Variants in ARHGAP10 observed in about 807,000 individuals in gnomAD.
ARHGAP10 encodes Rho GTPase activating protein 10.
Under a neutral mutation model 108.6 loss-of-function variants are expected in ARHGAP10, and 87 were observed. That is an observed-to-expected ratio of 0.80 (90% CI 0.67 to 0.96). The LOEUF is 0.96. Among genes scored for constraint, ARHGAP10 ranks in the 40% least tolerant of loss-of-function variants. The pLI is 0.00. For missense variants in ARHGAP10, 939 were observed against 954.5 expected, an observed-to-expected ratio of 0.98 and a Z score of 0.21; for synonymous variants, 347 against 341.1, an observed-to-expected ratio of 1.02 and a Z score of -0.19.
intron 18 of ARHGAP10, among the ~76,000 whole-genome samples, chr4:147,995,402 C>T (rs1382199814): frequency 6.6e-6 from 1 of 152,156 alleles, no homozygotes; most frequent in Non-Finnish European, 1.5e-5. Context: ...TATTAAAATA[C>T]TGTAATAAAA....
At chr4:147,825,919 C>T (rs982591008) in intron 3 of ARHGAP10, among the ~76,000 whole-genome samples, 1 of 152,136 alleles carries the variant, frequency 6.6e-6, no homozygotes, top group African/African-American at 2.4e-5. Context: ...AAGTCTCTGC[C>T]TTCATGGAGG....
intron 13 of ARHGAP10, 103 bp from the exon 14 acceptor site, chr4:147,939,721 GA>G (rs1224639562): frequency 1.1e-5 from 11 of 971,654 alleles, no homozygotes; most frequent in Non-Finnish European, 1.8e-5. Context: ...TAGTTAACAG[GA>G]ATGCTGCTAA....
chr4:147,886,485 C>T (rs998585455), intron 10 of ARHGAP10, among the ~76,000 whole-genome samples: 2 of 152,194 alleles, frequency 1.3e-5, no homozygotes, highest in South Asian at 2.1e-4. Context: ...TTAGATTCCC[C>T]AGTTAAGCCC....
chr4:147,929,327 A>G lies in ARHGAP10; in HGVS notation c.1229-10498A>G, dbSNP rs1261852234. Among the ~76,000 whole-genome samples, 4 of 152,148 alleles carry G rather than the reference A, an allele frequency of 2.6e-5. No individual in the cohort carries two copies. In the East Asian group the frequency reaches 7.7e-4, roughly 29 times the overall value. ...CCGTATCTTAAATTTATGATGGTGA[A>G]TATGTCCCTTTGATGGAATAGAGAG... On this transcript the variant is annotated intron_variant, in intron 13 of 22. Transcript: ENST00000336498.
chr4:148,068,654 A>G (rs1730010497), intron 22 of ARHGAP10, among the ~76,000 whole-genome samples: 1 of 152,242 alleles, frequency 6.6e-6, no homozygotes, highest in African/African-American at 2.4e-5. Context: ...TGGTAAGATA[A>G]TGAGAAACAC....
chr4:147,754,940 C>A (rs1043816936), intron 1 of ARHGAP10, among the ~76,000 whole-genome samples: 1 of 151,786 alleles, frequency 6.6e-6, no homozygotes, highest in Non-Finnish European at 1.5e-5. Flanking sequence ...CTAAAAAATG[C>A]AAAAATTAGC....
intron 1 of ARHGAP10, among the ~76,000 whole-genome samples, chr4:147,771,769 G>A (rs193240601): frequency 6.2e-4 from 94 of 151,994 alleles, no homozygotes; most frequent in Non-Finnish European, 1.1e-3. Flanking sequence ...CATCTTCCTC[G>A]CCTCCACTCT....
chr4:147,954,263 A>G (rs1738710585), intron 15 of ARHGAP10, among the ~76,000 whole-genome samples: 1 of 151,794 alleles, frequency 6.6e-6, no homozygotes, highest in Admixed American at 6.6e-5. Flanking sequence ...TGATTTTTCT[A>G]CTTGTTCTGT....
chr4:147,945,920 C>T (rs1042281012), intron 14 of ARHGAP10, among the ~76,000 whole-genome samples: 3 of 152,098 alleles, frequency 2.0e-5, no homozygotes, highest in African/African-American at 7.2e-5. Flanking sequence ...TCATATTGAA[C>T]GCAAGGCCAC....
At chr4:147,989,326 T>C (rs1340817072) in intron 18 of ARHGAP10, among the ~76,000 whole-genome samples, 2 of 152,234 alleles carry the variant, frequency 1.3e-5, no homozygotes, top group African/African-American at 2.4e-5. Context: ...TAATGAAGTT[T>C]TGGGCACCAT....
chr4:148,003,714 C>G (rs1234815911), intron 18 of ARHGAP10, among the ~76,000 whole-genome samples: 1 of 152,172 alleles, frequency 6.6e-6, no homozygotes, highest in Admixed American at 6.5e-5. Flanking sequence ...TCTGTTTTAT[C>G]AGAGACTAGG....
At chr4:147,743,452 C>T (rs1728778241) in intron 1 of ARHGAP10, among the ~76,000 whole-genome samples, 1 of 152,178 alleles carries the variant, frequency 6.6e-6, no homozygotes, top group Non-Finnish European at 1.5e-5. Context: ...TGTTTAACTT[C>T]TCTGTGCCTT....
At chr4:148,029,477 A>G (rs1483649694) in intron 19 of ARHGAP10, among the ~76,000 whole-genome samples, 1 of 152,206 alleles carries the variant, frequency 6.6e-6, no homozygotes, top group African/African-American at 2.4e-5. Flanking sequence ...GACACAAACT[A>G]TGTGGAGGTG....
At chr4:147,890,609 C>A (rs1055254532) in intron 10 of ARHGAP10, among the ~76,000 whole-genome samples, 1 of 152,168 alleles carries the variant, frequency 6.6e-6, no homozygotes, top group Non-Finnish European at 1.5e-5. Flanking sequence ...GGCGGATCAC[C>A]TGAGGTCAGG....
intron 15 of ARHGAP10, among the ~76,000 whole-genome samples, chr4:147,948,509 C>T (rs1279366374): frequency 6.6e-6 from 1 of 152,120 alleles, no homozygotes; most frequent in Admixed American, 6.5e-5. Flanking sequence ...TCCCTTCCTC[C>T]ACCACTGGCA....
At chr4:147,831,429 A>T (rs1732950036) in intron 3 of ARHGAP10, among the ~76,000 whole-genome samples, 1 of 152,226 alleles carries the variant, frequency 6.6e-6, no homozygotes, top group Admixed American at 6.5e-5. Flanking sequence ...CATTAAAAAG[A>T]TTATGCCTTT....
At chr4:147,812,268 G>C (rs1386801257) in intron 1 of ARHGAP10, among the ~76,000 whole-genome samples, 1 of 152,110 alleles carries the variant, frequency 6.6e-6, no homozygotes, top group Non-Finnish European at 1.5e-5. Context: ...GAAAAATGGG[G>C]TACTTGGTTA....
intron 18 of ARHGAP10, among the ~76,000 whole-genome samples, chr4:147,978,561 C>T (rs1009772115): frequency 3.3e-5 from 5 of 152,094 alleles, no homozygotes; most frequent in Non-Finnish European, 5.9e-5. Context: ...GCACTTCCCC[C>T]CTTGCTTGCT....
intron 3 of ARHGAP10, among the ~76,000 whole-genome samples, chr4:147,827,605 T>G (rs1732767573): frequency 6.6e-6 from 1 of 152,182 alleles, no homozygotes; most frequent in South Asian, 2.1e-4. Flanking sequence ...GGAATGTCTT[T>G]AAGCAGCTAA....
Sources: gnomAD v4.1 joint callset for allele counts (sites outside exome capture counted in the v4.1 genomes callset) on GRCh38, gnomAD v4.1.1 for gene constraint, MANE v1.5 for transcripts, NCBI Gene and HGNC (gene_info 2026-07-23, HGNC 2026-07-21) for gene names.